The following CACHD1 variants were observed in gnomAD, a reference collection of about 807,000 sequenced individuals.
The protein encoded by CACHD1 is cache domain containing 1.
In CACHD1, 71 loss-of-function variants were observed where a neutral mutation model predicts 138.7. The ratio of observed to expected loss-of-function variants is 0.51; its 90% CI spans 0.42 to 0.62. The LOEUF (loss-of-function observed/expected upper bound fraction) is 0.62. CACHD1 is among the 20% of genes least tolerant of loss of function. The probability of loss-of-function intolerance (pLI) is 0.00; values close to 1 mark genes in which losing one functional copy is unlikely to be tolerated. For missense variants in CACHD1, 1,389 were observed against 1,625.3 expected (o/e 0.85, Z 2.50); for synonymous variants, 578 against 591.5 (o/e 0.98, Z 0.33).
intron 3 of CACHD1, among the ~76,000 whole-genome samples, chr1:64,586,953 T>TTATGCCTATGGAC (rs1553136125): frequency 1.3e-5 from 2 of 152,226 alleles, no homozygotes; most frequent in Non-Finnish European, 2.9e-5. Context: ...TTAAAACCGT[T>TTATGCCTATGGAC]TATGCCTATG....
chr1:64,529,107 A>G (rs1646562409), intron 1 of CACHD1, among the ~76,000 whole-genome samples: 1 of 152,096 alleles, frequency 6.6e-6, no homozygotes, highest in Non-Finnish European at 1.5e-5. Context: ...AAGAGTGTAA[A>G]TTACATGTTT....
At chr1:64,588,711 T>C (rs1478400185) in intron 3 of CACHD1, among the ~76,000 whole-genome samples, 4 of 152,202 alleles carry the variant, frequency 2.6e-5, no homozygotes, top group African/African-American at 9.6e-5. Flanking sequence ...CATCACTTAA[T>C]TGATTTATCT....
At chr1:64,514,824 T>C (rs1384362635) in intron 1 of CACHD1, among the ~76,000 whole-genome samples, 1 of 152,210 alleles carries the variant, frequency 6.6e-6, no homozygotes, top group Non-Finnish European at 1.5e-5. Flanking sequence ...GTATATTAAA[T>C]TAAGTGGCAT....
intron 20 of CACHD1, 73 bp downstream of exon 20, chr1:64,675,634 A>T: frequency 6.6e-7 from 1 of 1,514,146 alleles, no homozygotes; most frequent in Middle Eastern, 1.8e-4. Context: ...GGCATTTTGA[A>T]GTGCAAAATA....
intron 7 of CACHD1, among the ~76,000 whole-genome samples, chr1:64,638,001 G>T (rs1213741425): frequency 6.6e-6 from 1 of 152,152 alleles, no homozygotes. Context: ...AAATGGAGGG[G>T]TGATAATATC....
intron 6 of CACHD1, among the ~76,000 whole-genome samples, chr1:64,633,049 T>C (rs1648370551): frequency 6.6e-6 from 1 of 152,222 alleles, no homozygotes; most frequent in Non-Finnish European, 1.5e-5. Flanking sequence ...TACAGTACAC[T>C]GCAGAATACT....
At chr1:64,674,663 C>T (rs1001220565) in intron 19 of CACHD1, among the ~76,000 whole-genome samples, 1 of 152,148 alleles carries the variant, frequency 6.6e-6, no homozygotes, top group African/African-American at 2.4e-5. Flanking sequence ...TAAGCTAATC[C>T]TCACCAAGCA....
At chr1:64,560,415 A>G (rs1646829923) in intron 2 of CACHD1, among the ~76,000 whole-genome samples, 1 of 152,010 alleles carries the variant, frequency 6.6e-6, no homozygotes, top group Non-Finnish European at 1.5e-5. Flanking sequence ...ATCATCATTC[A>G]GTTTTACATA....
At chr1:64,594,703 G>T (rs1355451348) in intron 3 of CACHD1, among the ~76,000 whole-genome samples, 1 of 152,178 alleles carries the variant, frequency 6.6e-6, no homozygotes, top group Non-Finnish European at 1.5e-5. Context: ...GCCTTTTATG[G>T]ATTTTAAATA....
chr1:64,602,523 A>G (rs1223965115), intron 3 of CACHD1, among the ~76,000 whole-genome samples: 8 of 76,274 alleles, frequency 1.0e-4, no homozygotes, highest in Non-Finnish European at 2.1e-4. Context: ...TATTTTCTGT[A>G]TGATTTTATC....
Position 64,585,599 on chromosome 1 carries a change from G to A in CACHD1, c.410+3295G>A, listed in dbSNP as rs577934910. ...TTGACAGAGCCAAGAACTGCTTGGG[G>A]TGGATATTGGAAAACCAAAGCAGTT... On this transcript the variant is annotated intron_variant, in intron 3 of 26. Transcript: ENST00000651257. Among the ~76,000 whole-genome samples the A allele has an allele frequency of 2.0e-5, 3 of 152,310 alleles. No homozygotes were observed. The South Asian group carries it at 6.2e-4, about 32-fold the overall frequency.
intron 1 of CACHD1, among the ~76,000 whole-genome samples, chr1:64,495,293 G>T (rs1378244171): frequency 6.6e-6 from 1 of 152,072 alleles, no homozygotes; most frequent in African/African-American, 2.4e-5. Flanking sequence ...AAAGAGAAAA[G>T]GAAAGAAAAC....
chr1:64,664,980 G>A (rs1570464859), intron 15 of CACHD1, among the ~76,000 whole-genome samples: 1 of 152,192 alleles, frequency 6.6e-6, no homozygotes, highest in South Asian at 2.1e-4. Flanking sequence ...CTACTGGATA[G>A]ACTTCATTTT....
intron 1 of CACHD1, among the ~76,000 whole-genome samples, chr1:64,520,148 C>T (rs1646487764): frequency 6.6e-6 from 1 of 152,232 alleles, no homozygotes; most frequent in South Asian, 2.1e-4. Context: ...CATCAAGCAA[C>T]TGGAAGTCCT....
Position 64,587,698 on chromosome 1 carries a change from GT to G in CACHD1, c.410+5398del, listed in dbSNP as rs200592273. Among the ~76,000 whole-genome samples the G allele has an allele frequency of 6.7e-4, 102 of 152,272 alleles. No individual in the cohort carries two copies. The East Asian group carries it at 0.018, about 27-fold the overall frequency. On this transcript the variant is annotated intron_variant, in intron 3 of 26. Coordinates refer to ENST00000651257, the MANE Select transcript of CACHD1 (RefSeq NM_020925.4). ...CAACGGTATCACTTAAAACAACATAGTTTTGAGAGTGGGCTCATTTATTTAT... is the reference window on the plus strand; with the variant it reads ...CAACGGTATCACTTAAAACAACATAGTTTGAGAGTGGGCTCATTTATTTAT...
At chr1:64,641,581 T>C (rs944549526) in intron 7 of CACHD1, among the ~76,000 whole-genome samples, 6 of 152,160 alleles carry the variant, frequency 3.9e-5, no homozygotes, top group Non-Finnish European at 5.9e-5. Context: ...CTGATAAATA[T>C]ATTAGGAACA....
chr1:64,478,501 G>C (rs1646189705), intron 1 of CACHD1, among the ~76,000 whole-genome samples: 1 of 152,176 alleles, frequency 6.6e-6, no homozygotes, highest in Non-Finnish European at 1.5e-5. Context: ...AAGAGGAAGA[G>C]CTGGACTAAT....
intron 5 of CACHD1, among the ~76,000 whole-genome samples, chr1:64,632,068 G>T (rs1303697678): frequency 6.6e-6 from 1 of 151,904 alleles, no homozygotes; most frequent in Non-Finnish European, 1.5e-5. Flanking sequence ...CTGGTGATGG[G>T]ACCTTTTTCT....
intron 26 of CACHD1, among the ~76,000 whole-genome samples, chr1:64,683,511 C>G (rs934652816): frequency 5.9e-5 from 9 of 152,164 alleles, no homozygotes; most frequent in Admixed American, 5.2e-4. Context: ...GCATCAATAC[C>G]AAATTAGGAT....
Sources: gnomAD v4.1 joint callset for allele counts (sites outside exome capture counted in the v4.1 genomes callset) on GRCh38, gnomAD v4.1.1 for gene constraint, MANE v1.5 for transcripts, NCBI Gene and HGNC (gene_info 2026-07-23, HGNC 2026-07-21) for gene names.